Variants in KLRD1 observed in about 807,000 individuals in gnomAD.
KLRD1 encodes the protein killer cell lectin like receptor D1.
A neutral mutation model predicts 22.6 loss-of-function variants in KLRD1; 21 were observed. The observed-to-expected ratio is 0.93, with a 90% CI of 0.66 to 1.34. The LOEUF (loss-of-function observed/expected upper bound fraction) is 1.34, where lower values mean the gene tolerates loss of function less well. Among genes scored for constraint, KLRD1 ranks in the 40% most tolerant of loss-of-function variants. The probability of loss-of-function intolerance (pLI) is 0.00; values close to 1 mark genes in which losing one functional copy is unlikely to be tolerated. For synonymous variants in KLRD1, 59 were observed against 71.1 expected (o/e 0.83, Z 0.85); for missense variants, 183 against 208.6 (o/e 0.88, Z 0.76).
At chr12:10,249,031 C>T (rs1171061825) in intron 1 of KLRD1, among the ~76,000 whole-genome samples, 1 of 152,044 alleles carries the variant, frequency 6.6e-6, no homozygotes, top group Admixed American at 6.5e-5. Context: ...TTTTGAATTC[C>T]ATTTGCATCT....
In KLRD1 at chr12:10,324,318, G is replaced by T. The variant is rs779257563; in HGVS notation, c.*9525G>T. On this transcript the variant is annotated 3_prime_UTR_variant, in exon 6 of 6. Coordinates refer to ENST00000336164, the MANE Select transcript of KLRD1 (RefSeq NM_002262.5). ...ACATTGCATGTTGCAGTGGTTTGGT[G>T]TACAGATAATTTTGTCATCCTGGTA... 3.9e-5 allele frequency: 6 copies of T among 152,142 alleles called. No individual in the cohort carries two copies. The highest frequency in any genetic ancestry group is 5.9e-5 in the Non-Finnish European group (4 of 68,058). 9.4% of individuals were successfully genotyped at this position (152,142 alleles called of 1,614,324 possible).
chr12:10,312,868 TC>T lies in KLRD1; in HGVS notation c.316-539del, dbSNP rs1950123997. Among the ~76,000 whole-genome samples the T allele has an allele frequency of 2.0e-5, 3 of 151,200 alleles. No homozygotes were observed. In the South Asian group the frequency reaches 6.3e-4, roughly 32 times the overall value. ...CGGGCGTGGTGGCGGGCGCCTGTAG[TC>T]CCAGCTACTCGGGAGGCGGAGGCAG... is the stretch of plus-strand genomic sequence containing the variant. On this transcript the variant is annotated intron_variant, in intron 4 of 5. Coordinates refer to ENST00000336164, the MANE Select transcript of KLRD1 (RefSeq NM_002262.5).
chr12:10,267,309 A>T (rs1417966595), intron 1 of KLRD1, among the ~76,000 whole-genome samples: 1 of 152,148 alleles, frequency 6.6e-6, no homozygotes, highest in Non-Finnish European at 1.5e-5. Context: ...TTTAATATAT[A>T]TTCAATTTAT....
chr12:10,289,418 C>T (rs1210007587), intron 1 of KLRD1, among the ~76,000 whole-genome samples: 2 of 152,210 alleles, frequency 1.3e-5, no homozygotes, highest in Non-Finnish European at 2.9e-5. Flanking sequence ...ATTCTGGCTT[C>T]ATAAACTTCT....
chr12:10,294,248 T>C, intron 1 of KLRD1, among the ~76,000 whole-genome samples: 1 of 152,192 alleles, frequency 6.6e-6, no homozygotes, highest in Non-Finnish European at 1.5e-5. Flanking sequence ...TGTAAATCCA[T>C]GGTGGACTCA....
intron 1 of KLRD1, among the ~76,000 whole-genome samples, chr12:10,244,116 A>G (rs555058989): frequency 6.6e-6 from 1 of 152,278 alleles, no homozygotes; most frequent in African/African-American, 2.4e-5. Context: ...TCAAGCGCTC[A>G]GGCAATTTTT....
chr12:10,268,263 C>G (rs371177076), intron 1 of KLRD1, among the ~76,000 whole-genome samples: 1 of 152,266 alleles, frequency 6.6e-6, no homozygotes, highest in South Asian at 2.1e-4. Context: ...CAGGTGGCCC[C>G]TAGCGTCACC....
intron 1 of KLRD1, among the ~76,000 whole-genome samples, chr12:10,246,415 G>A (rs907126857): frequency 6.6e-6 from 1 of 152,100 alleles, no homozygotes; most frequent in Non-Finnish European, 1.5e-5. Context: ...TGTAATAAAT[G>A]ATATAGATGA....
At chr12:10,294,434 T>C (rs1019867206) in intron 1 of KLRD1, among the ~76,000 whole-genome samples, 12 of 152,324 alleles carry the variant, frequency 7.9e-5, no homozygotes, top group Admixed American at 7.8e-4. Flanking sequence ...AGTCTCACTC[T>C]ATAGCCCAGT....
upstream of KLRD1, among the ~76,000 whole-genome samples, chr12:10,302,731 A>T (rs1565465094): frequency 6.6e-6 from 1 of 151,974 alleles, no homozygotes; most frequent in East Asian, 1.9e-4. Context: ...TAGTTGAGTC[A>T]TAAGCCAGGA....
chr12:10,299,072 A>G (rs1398207285), intron 1 of KLRD1, among the ~76,000 whole-genome samples: 1 of 152,144 alleles, frequency 6.6e-6, no homozygotes, highest in African/African-American at 2.4e-5. Flanking sequence ...TGGTATAGAA[A>G]GGTGCTTTAT....
chr12:10,271,764 A>G (rs1408984160), intron 1 of KLRD1, among the ~76,000 whole-genome samples: 1 of 152,086 alleles, frequency 6.6e-6, no homozygotes, highest in Non-Finnish European at 1.5e-5. Flanking sequence ...ATGGCATATT[A>G]TATGTGATAC....
At chr12:10,293,369 C>T (rs1457634067) in intron 1 of KLRD1, among the ~76,000 whole-genome samples, 1 of 151,226 alleles carries the variant, frequency 6.6e-6, no homozygotes. Flanking sequence ...CTCTTCCTTT[C>T]ACTTTTACTC....
In KLRD1 at chr12:10,315,129, T is replaced by C; in HGVS notation, c.*336T>C. ...CAGCAGAAATTTAAATAAGATTTAA[T>C]TCACATCAAATAAAATTTAGAAAAT... On this transcript the variant is annotated 3_prime_UTR_variant, in exon 6 of 6. Coordinates refer to ENST00000336164, the MANE Select transcript of KLRD1 (RefSeq NM_002262.5). The C allele has an allele frequency of 3.7e-6, 1 of 266,924 alleles. No individual in the cohort carries two copies. The highest frequency in any genetic ancestry group is 3.8e-5 in the South Asian group (1 of 26,508). 16.5% of individuals were successfully genotyped at this position (266,924 alleles called of 1,614,324 possible).
intron 1 of KLRD1, among the ~76,000 whole-genome samples, chr12:10,239,798 T>C (rs1385796732): frequency 1.3e-5 from 2 of 151,592 alleles, no homozygotes; most frequent in Non-Finnish European, 2.9e-5. Context: ...CCCGCCATCA[T>C]GCCCAGCTAA....
At chr12:10,279,637 A>G (rs917504524) in intron 1 of KLRD1, among the ~76,000 whole-genome samples, 1 of 152,224 alleles carries the variant, frequency 6.6e-6, no homozygotes, top group Non-Finnish European at 1.5e-5. Flanking sequence ...CAAAATCTCA[A>G]AGAATGCATG....
chr12:10,247,873 G>A (rs1348026763), intron 1 of KLRD1, among the ~76,000 whole-genome samples: 1 of 152,154 alleles, frequency 6.6e-6, no homozygotes, highest in Non-Finnish European at 1.5e-5. Context: ...TGAGACCTCT[G>A]CAGCCATGCA....
At chr12:10,244,624 A>T (rs1314547377) in intron 1 of KLRD1, among the ~76,000 whole-genome samples, 2 of 151,994 alleles carry the variant, frequency 1.3e-5, no homozygotes, top group African/African-American at 4.8e-5. Flanking sequence ...TCTACTAAAA[A>T]TACAAAAAAT....
intron 1 of KLRD1, among the ~76,000 whole-genome samples, chr12:10,261,248 A>G (rs1414265620): frequency 6.6e-6 from 1 of 152,218 alleles, no homozygotes; most frequent in Non-Finnish European, 1.5e-5. Flanking sequence ...ACTGTATGGA[A>G]ATTTTCAGCA....
Sources: allele counts gnomAD v4.1 joint callset (sites outside exome capture counted in the v4.1 genomes callset), GRCh38; gene constraint gnomAD v4.1.1; transcripts MANE v1.5; gene names NCBI Gene and HGNC (gene_info 2026-07-23, HGNC 2026-07-21).